Variants in SLC24A4 observed in about 807,000 individuals in gnomAD.
The protein encoded by SLC24A4 is solute carrier family 24 member 4, also known as sodium/potassium/calcium exchanger 4.
A neutral mutation model predicts 79.0 loss-of-function variants in SLC24A4; 53 were observed. The ratio of observed to expected loss-of-function variants is 0.67; its 90% CI spans 0.54 to 0.84. The LOEUF (loss-of-function observed/expected upper bound fraction) is 0.84, where lower values mean the gene tolerates loss of function less well. SLC24A4 is among the 40% of genes least tolerant of loss of function. SLC24A4 has a pLI of 0.00. For missense variants in SLC24A4, 731 were observed against 822.0 expected (o/e 0.89, Z 1.35); for synonymous variants, 323 against 323.8 (o/e 1.00, Z 0.03).
intron 2 of SLC24A4, among the ~76,000 whole-genome samples, chr14:92,351,915 G>GA (rs1555361031): frequency 2.0e-4 from 28 of 140,388 alleles, no homozygotes; most frequent in South Asian, 4.7e-4. Context: ...GGAAGGAAAG[G>GA]AAGGAAAGGA....
chr14:92,348,424 T>G (rs1198698213), intron 2 of SLC24A4, among the ~76,000 whole-genome samples: 1 of 152,254 alleles, frequency 6.6e-6, no homozygotes, highest in Non-Finnish European at 1.5e-5. Context: ...CTATAGCAAC[T>G]GCTCCACTCT....
At chr14:92,400,004 C>G (rs1196886513) in intron 2 of SLC24A4, among the ~76,000 whole-genome samples, 2 of 152,116 alleles carry the variant, frequency 1.3e-5, no homozygotes. Context: ...ATCCTCCCAC[C>G]TCAGCCTCCC....
intron 12 of SLC24A4, among the ~76,000 whole-genome samples, chr14:92,474,636 C>T (rs915853702): frequency 1.3e-5 from 2 of 149,698 alleles, no homozygotes; most frequent in African/African-American, 5.0e-5. Flanking sequence ...AGGCACCCAC[C>T]ACAACGCCCA....
intron 4 of SLC24A4, among the ~76,000 whole-genome samples, chr14:92,440,766 C>T (rs2139808203): frequency 6.6e-6 from 1 of 151,814 alleles, no homozygotes; most frequent in East Asian, 1.9e-4. Flanking sequence ...GGGAGCATCT[C>T]TCTTGGGGGA....
intron 2 of SLC24A4, among the ~76,000 whole-genome samples, chr14:92,351,449 T>TTAGC (rs1886862611): frequency 2.6e-5 from 4 of 152,118 alleles, no homozygotes; most frequent in Admixed American, 2.6e-4. Context: ...TCAACAAAAA[T>TTAGC]TAGCAGCTAT....
At chr14:92,368,781 C>T (rs1186521096) in intron 2 of SLC24A4, among the ~76,000 whole-genome samples, 1 of 152,126 alleles carries the variant, frequency 6.6e-6, no homozygotes, top group Non-Finnish European at 1.5e-5. Flanking sequence ...TTCCCCTCGT[C>T]TAGGCAGCAC....
chr14:92,423,636 A>G (rs1195451662), intron 2 of SLC24A4, among the ~76,000 whole-genome samples: 3 of 152,208 alleles, frequency 2.0e-5, no homozygotes. Context: ...ACAAATGAAA[A>G]CAACCCAAAA....
intron 2 of SLC24A4, among the ~76,000 whole-genome samples, chr14:92,395,333 C>G (rs1001832318): frequency 2.6e-5 from 4 of 151,958 alleles, no homozygotes; most frequent in Non-Finnish European, 5.9e-5. Flanking sequence ...TACAGAAAGC[C>G]TCTCTAGCAG....
At chr14:92,332,582 T>C (rs978831719) in intron 2 of SLC24A4, among the ~76,000 whole-genome samples, 3 of 152,216 alleles carry the variant, frequency 2.0e-5, no homozygotes, top group South Asian at 2.1e-4. Context: ...CTAAAAGTTA[T>C]ACATATTAAT....
At chr14:92,352,666 C>A (rs76922396) in intron 2 of SLC24A4, among the ~76,000 whole-genome samples, 1 of 152,190 alleles carries the variant, frequency 6.6e-6, no homozygotes, top group South Asian at 2.1e-4. Context: ...AGGTGGCCCC[C>A]AGACTCATTT....
chr14:92,440,999 T>C (rs1488592240), intron 4 of SLC24A4, among the ~76,000 whole-genome samples: 2 of 152,046 alleles, frequency 1.3e-5, no homozygotes, highest in Non-Finnish European at 2.9e-5. Context: ...GCCTCTTCTG[T>C]GGAACCGTGC....
intron 2 of SLC24A4, among the ~76,000 whole-genome samples, chr14:92,392,817 G>A (rs61975652): frequency 0.074 from 10,605 of 143,718 alleles, 499 homozygotes; most frequent in Non-Finnish European, 0.1. Flanking sequence ...GGCGCCATCT[G>A]TGAGGAATAC....
intron 2 of SLC24A4, among the ~76,000 whole-genome samples, chr14:92,418,583 C>CA (rs1255095166): frequency 1.3e-5 from 2 of 152,144 alleles, no homozygotes; most frequent in African/African-American, 4.8e-5. Flanking sequence ...ATCTGTATGC[C>CA]AGGCCAGCAG....
intron 12 of SLC24A4, among the ~76,000 whole-genome samples, chr14:92,474,776 T>C (rs1392433068): frequency 3.9e-5 from 4 of 103,450 alleles, no homozygotes; most frequent in African/African-American, 1.3e-4. Context: ...TATATGTGTG[T>C]ATATATATGT....
At chr14:92,395,303 TG>T (rs1889700510) in intron 2 of SLC24A4, among the ~76,000 whole-genome samples, 1 of 152,148 alleles carries the variant, frequency 6.6e-6, no homozygotes, top group South Asian at 2.1e-4. Flanking sequence ...CTAGCCCCGT[TG>T]CCTGGAGCAC....
chr14:92,458,948 G>A (rs71430760), intron 12 of SLC24A4, among the ~76,000 whole-genome samples: 20 of 152,214 alleles, frequency 1.3e-4, no homozygotes, highest in Non-Finnish European at 4.4e-5. Context: ...GCGAGGAGGA[G>A]CGACTTGCTG....
rs574391707 is a variant in SLC24A4 at position 92,480,837 on chromosome 14, G to A, written c.1256-1843G>A. On this transcript the variant is annotated intron_variant, in intron 12 of 16. Transcript: ENST00000532405. Reference sequence around the variant, plus strand: ...TCTGTTCCATTGTGGTTGGAGAACAGGAGATTATCTCCTGTTCTAGGGTTT... The same window carrying A: ...TCTGTTCCATTGTGGTTGGAGAACAAGAGATTATCTCCTGTTCTAGGGTTT... Among the ~76,000 whole-genome samples the A allele has an allele frequency of 9.6e-4, 146 of 152,264 alleles. 2 individuals carry two copies. The highest frequency in any genetic ancestry group is 1.3e-3 in the Non-Finnish European group (88 of 68,014).
chr14:92,331,402 C>T (rs1393913320), intron 2 of SLC24A4, among the ~76,000 whole-genome samples: 4 of 152,218 alleles, frequency 2.6e-5, no homozygotes, highest in African/African-American at 9.6e-5. Context: ...CCCACCTCAG[C>T]CTCCTGAATA....
intron 13 of SLC24A4, chr14:92,484,691 A>C (rs1895259805): frequency 1.0e-6 from 1 of 985,254 alleles, no homozygotes; most frequent in Non-Finnish European, 1.2e-6. Flanking sequence ...ACATGGGGAC[A>C]CTTGAACATT....
Sources: gnomAD v4.1 joint callset for allele counts (sites outside exome capture counted in the v4.1 genomes callset) on GRCh38, gnomAD v4.1.1 for gene constraint, MANE v1.5 for transcripts, NCBI Gene and HGNC (gene_info 2026-07-23, HGNC 2026-07-21) for gene names.